IGSF9B: variants seen among roughly 807,000 people sequenced by gnomAD.
IGSF9B encodes the protein protein turtle homolog B.
IGSF9B carries 48 observed loss-of-function variants against 143.7 expected under a neutral mutation model. That is an observed-to-expected ratio of 0.33 (90% CI 0.26 to 0.42). IGSF9B has a LOEUF of 0.42. Among genes scored for constraint, IGSF9B ranks in the 20% least tolerant of loss-of-function variants. The pLI is 1.00. For synonymous variants in IGSF9B, 903 were observed against 833.1 expected (o/e 1.08, Z -1.44); for missense variants, 1,706 against 1,980.0 (o/e 0.86, Z 2.63).
chr11:133,932,148 G>A lies in IGSF9B; in HGVS notation c.1033C>T (p.Arg345Cys), dbSNP rs756885918. ...YVPVGIHGYI[R>C]CPVDAEPPAT... ...GGTGGTTCTGCGTCCACAGGGCAGC[G>A]GATGTAGCCATGGATCCCCACGGGC... The change falls in exon 8 of 20, where the codon CGC becomes TGC. Residue 345 changes from arginine (R) to cysteine (C), a missense_variant. Physicochemically the swap from Arg to Cys is radical, Grantham distance 180. Coordinates refer to ENST00000533871, the MANE Select transcript of IGSF9B (RefSeq NM_001277285.4). 2.5e-6 allele frequency: 4 copies of A among 1,611,642 alleles called. No homozygotes were observed. Among genetic ancestry groups the A allele is most frequent in the Non-Finnish European group, 3.4e-6 (4 of 1,178,872 alleles).
In IGSF9B at chr11:133,948,169, G is replaced by A. The variant is rs1940093202; in HGVS notation, c.65-1911C>T. On this transcript the variant is annotated intron_variant, in intron 1 of 19. Coordinates refer to ENST00000533871, the MANE Select transcript of IGSF9B (RefSeq NM_001277285.4). This position sits in a 1 kb window ranked among gnomAD's most constrained non-coding sequence, Gnocchi z 4.7. ...GTATGCAAGGGCTCCGTCTCTGCAT[G>A]TATGTACTTCTGTGTCTGTGGCTCT... Among the ~76,000 whole-genome samples the A allele has an allele frequency of 6.6e-6, 1 of 151,842 alleles. No homozygotes were observed. The highest frequency in any genetic ancestry group is 2.4e-5 in the African/African-American group (1 of 41,286).
chr11:133,929,058 G>A (rs1939677648), intron 12 of IGSF9B, among the ~76,000 whole-genome samples: 1 of 152,156 alleles, frequency 6.6e-6, no homozygotes, highest in African/African-American at 2.4e-5. Context: ...GTGTTTGCCA[G>A]CACAACAGGA....
At chr11:133,915,208 G>T (rs927447175) in intron 18 of IGSF9B, among the ~76,000 whole-genome samples, 1 of 151,494 alleles carries the variant, frequency 6.6e-6, no homozygotes, top group African/African-American at 2.4e-5. Flanking sequence ...CCTTGGCACA[G>T]AGGTGTTTTT....
At chr11:133,936,849 C>T (rs367739774) in intron 5 of IGSF9B, among the ~76,000 whole-genome samples, 2 of 152,210 alleles carry the variant, frequency 1.3e-5, no homozygotes, top group South Asian at 2.1e-4. Flanking sequence ...CCGACCGGGA[C>T]GCTGCCCCAT....
At chr11:133,929,471 T>C (rs542303942) in intron 12 of IGSF9B, among the ~76,000 whole-genome samples, 200 bp downstream of exon 12, 26 of 152,214 alleles carry the variant, frequency 1.7e-4, no homozygotes, top group African/African-American at 5.1e-4. Flanking sequence ...GACACAGCCA[T>C]GCCCAGAGTC....
rs1055437324 is a variant in IGSF9B at position 133,931,263 on chromosome 11, C to T, written c.1369-129G>A. ...CGCTGCCCTCCTCCCGAGTGCCTGC[C>T]GCTCTTCAGGGTCAGCTCACTGCTC... On this transcript the variant is annotated intron_variant, in intron 10 of 19. Coordinates refer to ENST00000533871, the MANE Select transcript of IGSF9B (RefSeq NM_001277285.4). The surrounding 1 kb of genome is among the most constrained non-coding windows in gnomAD (Gnocchi z 7.7). 1.9e-6 allele frequency: 2 copies of T among 1,041,194 alleles called. No homozygotes were observed. The highest frequency in any genetic ancestry group is 2.9e-4 in the Middle Eastern group (1 of 3,500). The allele number at this position is 1,041,194 out of a possible 1,614,324, so 64.5% of individuals were successfully genotyped here. A position where few individuals can be genotyped will look rare whatever the true frequency, so the allele number is the denominator to read the frequency against.
At chr11:133,940,552 G>A (rs539524047) in intron 3 of IGSF9B, among the ~76,000 whole-genome samples, 57 of 135,642 alleles carry the variant, frequency 4.2e-4, no homozygotes, top group Admixed American at 1.5e-3. Context: ...GCATGTCCTC[G>A]CACGCGTCAT....
intron 11 of IGSF9B, 34 bp downstream of exon 11, chr11:133,930,950 C>T (rs778736042): frequency 4.2e-4 from 667 of 1,574,100 alleles, no homozygotes; most frequent in Non-Finnish European, 5.5e-4. Flanking sequence ...CTGCTCTGTC[C>T]CCGCCGCCCG....
rs182620767 is a variant in IGSF9B, at chr11:133,931,561, G to A, written c.1260C>T (p.Pro420=). ...CCCAGCCTGGTAGCACCGTGAAATA[G>A]GGGGGGTCCTGGGGAGGAAAGCACA... ...APARLVLKDP[P]YFTVLPGWEY... Residue 420 remains proline, a synonymous_variant, in exon 10 of 20, where the codon CCC becomes CCT. Coordinates refer to ENST00000533871, the MANE Select transcript of IGSF9B (RefSeq NM_001277285.4). The surrounding 1 kb of genome is among the most constrained non-coding windows in gnomAD (Gnocchi z 7.7). The A allele has an allele frequency of 1.2e-6, 2 of 1,612,588 alleles. No homozygotes were observed. The highest frequency in any genetic ancestry group is 1.3e-5 in the African/African-American group (1 of 74,876).
rs1303115033 is a variant in IGSF9B at position 133,907,914 on chromosome 11, G to C, written c.*1155C>G. Among the ~76,000 whole-genome samples, 1 of 152,226 alleles carries C rather than the reference G, an allele frequency of 6.6e-6. No homozygotes were observed. The highest frequency in any genetic ancestry group is 1.5e-5 in the Non-Finnish European group (1 of 68,048). ...AGTCGGCAGGCAGCACGTGGTGAGTGCGGGAAAGCCACAGGCGGCTCCGCA... is the reference window on the plus strand; with the variant it reads ...AGTCGGCAGGCAGCACGTGGTGAGTCCGGGAAAGCCACAGGCGGCTCCGCA... On this transcript the variant is annotated 3_prime_UTR_variant, in exon 20 of 20. Coordinates refer to ENST00000533871, the MANE Select transcript of IGSF9B (RefSeq NM_001277285.4).
At chr11:133,937,573 G>A in intron 4 of IGSF9B, 80 bp from the exon 5 acceptor site, 2 of 1,208,268 alleles carry the variant, frequency 1.7e-6, no homozygotes, top group Non-Finnish European at 2.4e-6. Flanking sequence ...GATGCAGTCG[G>A]AGACACTAAG....
chr11:133,952,273 C>T (rs1591728386), intron 1 of IGSF9B: 1 of 337,620 alleles, frequency 3.0e-6, no homozygotes, highest in East Asian at 7.7e-5. Flanking sequence ...GCCTATCCAA[C>T]CCCAGAGTCC....
chr11:133,914,358 T>C (rs558456517), intron 18 of IGSF9B, among the ~76,000 whole-genome samples: 2 of 152,128 alleles, frequency 1.3e-5, no homozygotes, highest in African/African-American at 4.8e-5. Flanking sequence ...CACAAAGGTA[T>C]AGCAGCTACA....
At chr11:133,949,014 A>C (rs1451488345) in intron 1 of IGSF9B, among the ~76,000 whole-genome samples, 1 of 152,084 alleles carries the variant, frequency 6.6e-6, no homozygotes, top group African/African-American at 2.4e-5. Flanking sequence ...AATCTTCCCC[A>C]GCGCTGGGAT....
chr11:133,947,887 C>T (rs560518828), intron 1 of IGSF9B, among the ~76,000 whole-genome samples: 50 of 152,114 alleles, frequency 3.3e-4, no homozygotes, highest in South Asian at 2.1e-4. Context: ...ATCTGTCCTG[C>T]GGGCTCCATT....
rs1321337467 is a variant in IGSF9B at position 133,902,814 on chromosome 11, T to C, written c.*6255A>G. On this transcript the variant is annotated 3_prime_UTR_variant, in exon 20 of 20. Coordinates refer to ENST00000533871, the MANE Select transcript of IGSF9B (RefSeq NM_001277285.4). The stretch of plus-strand genomic sequence containing the variant: ...AACTACCCTTTCAAGAACTGCAAGA[T>C]GACCGTGAGGAGGCTCATCCCTCCA... Among the ~76,000 whole-genome samples, 2 of 152,268 alleles carry C rather than the reference T, an allele frequency of 1.3e-5. No homozygotes were observed. The highest frequency in any genetic ancestry group is 6.5e-5 in the Admixed American group (1 of 15,304).
At chr11:133,951,123 G>C (rs1208548672) in intron 1 of IGSF9B, among the ~76,000 whole-genome samples, 1 of 152,210 alleles carries the variant, frequency 6.6e-6, no homozygotes, top group Non-Finnish European at 1.5e-5. Context: ...CCAGAGGAAG[G>C]CAGGAGGAAG....
intron 3 of IGSF9B, among the ~76,000 whole-genome samples, chr11:133,939,033 C>G (rs1330966769): frequency 6.6e-6 from 1 of 152,244 alleles, no homozygotes; most frequent in Non-Finnish European, 1.5e-5. Context: ...CCCTCCTCCC[C>G]ACACAGCCCT....
At chr11:133,915,729 C>A (rs1939368647) in intron 18 of IGSF9B, among the ~76,000 whole-genome samples, 1 of 152,210 alleles carries the variant, frequency 6.6e-6, no homozygotes, top group African/African-American at 2.4e-5. Context: ...TAGCTCAGCG[C>A]CCAGGAGCTG....
Sources: allele counts gnomAD v4.1 joint callset (sites outside exome capture counted in the v4.1 genomes callset), GRCh38; gene constraint gnomAD v4.1.1; non-coding constraint Gnocchi (gnomAD v3.1); transcripts MANE v1.5; gene names NCBI Gene and HGNC (gene_info 2026-07-23, HGNC 2026-07-21).